Variants in ADAM18 observed in about 807,000 individuals in gnomAD.
ADAM18 encodes disintegrin and metalloproteinase domain-containing protein 18.
In ADAM18, 117 loss-of-function variants were observed where a neutral mutation model predicts 94.4. The observed-to-expected ratio is 1.24, with a 90% confidence interval of 1.07 to 1.45. The LOEUF (loss-of-function observed/expected upper bound fraction) is 1.45, where lower values mean the gene tolerates loss of function less well. Among genes scored for constraint, ADAM18 ranks in the 40% most tolerant of loss-of-function variants. The probability of loss-of-function intolerance (pLI) is 0.00; values close to 1 mark genes in which losing one functional copy is unlikely to be tolerated. For missense variants in ADAM18, 936 were observed against 880.0 expected, an observed-to-expected ratio of 1.06 and a Z score of -0.81; for synonymous variants, 327 against 291.6, an observed-to-expected ratio of 1.12 and a Z score of -1.24.
chr8:39,723,920 T>C lies in ADAM18; in HGVS notation c.2177+13T>C. 2 of 1,425,308 alleles carry C rather than the reference T, an allele frequency of 1.4e-6. No homozygotes were observed. Among genetic ancestry groups the C allele is most frequent in the Non-Finnish European group, 1.9e-6 (2 of 1,063,756 alleles). 88.3% of individuals were successfully genotyped at this position (1,425,308 alleles called of 1,614,324 possible). ...CAGAGTATAATCGGTAAATATGATA[T>C]AGAATCAATGTATTAGGTTTAATTA... On this transcript the variant is annotated intron_variant, in intron 19 of 19. Transcript: ENST00000265707.
intron 10 of ADAM18, among the ~76,000 whole-genome samples, chr8:39,641,582 G>A (rs1489185612): frequency 6.6e-6 from 1 of 151,800 alleles, no homozygotes; most frequent in Non-Finnish European, 1.5e-5. Flanking sequence ...ATCATTCTAG[G>A]TGTCCATGTG....
chr8:39,694,126 C>G (rs1017650993), intron 17 of ADAM18, among the ~76,000 whole-genome samples: 1 of 151,202 alleles, frequency 6.6e-6, no homozygotes, highest in African/African-American at 2.4e-5. Flanking sequence ...TAAATTCAGA[C>G]TTTTATGCAT....
chr8:39,674,630 T>C (rs1821248805), intron 14 of ADAM18, among the ~76,000 whole-genome samples: 1 of 152,174 alleles, frequency 6.6e-6, no homozygotes, highest in African/African-American at 2.4e-5. Flanking sequence ...ACATTTAAGG[T>C]TAATATTGTT....
At chr8:39,622,890 G>A (rs536327839) in intron 6 of ADAM18, among the ~76,000 whole-genome samples, 4 of 151,542 alleles carry the variant, frequency 2.6e-5, no homozygotes, top group East Asian at 3.9e-4. Context: ...ATATTTTTTC[G>A]TTTCAGTTGC....
At chr8:39,685,574 T>G (rs886666056) in intron 16 of ADAM18, among the ~76,000 whole-genome samples, 1 of 152,150 alleles carries the variant, frequency 6.6e-6, no homozygotes. Context: ...TCACCTGGTT[T>G]CTAAACCTTC....
intron 2 of ADAM18, among the ~76,000 whole-genome samples, chr8:39,595,776 G>A (rs1037938609): frequency 6.6e-6 from 1 of 152,032 alleles, no homozygotes. Context: ...CACCCACCTC[G>A]GCCTCCCAAA....
intron 6 of ADAM18, among the ~76,000 whole-genome samples, chr8:39,628,969 T>G (rs1250384497): frequency 6.6e-6 from 1 of 152,054 alleles, no homozygotes; most frequent in Non-Finnish European, 1.5e-5. Context: ...CAGTGGAGAC[T>G]ATGAGTTCTC....
chr8:39,616,529 T>G (rs1353458005), intron 6 of ADAM18, among the ~76,000 whole-genome samples: 1 of 152,154 alleles, frequency 6.6e-6, no homozygotes, highest in Admixed American at 6.6e-5. Flanking sequence ...ATTCTAAAAT[T>G]CATATGGGAC....
chr8:39,702,088 A>G (rs1822096452), intron 17 of ADAM18, among the ~76,000 whole-genome samples: 1 of 152,214 alleles, frequency 6.6e-6, no homozygotes, highest in Non-Finnish European at 1.5e-5. Flanking sequence ...TGGCTGAACT[A>G]ATTAACACTC....
intron 6 of ADAM18, among the ~76,000 whole-genome samples, chr8:39,622,310 A>G (rs1819638689): frequency 6.7e-6 from 1 of 149,336 alleles, no homozygotes; most frequent in South Asian, 2.1e-4. Flanking sequence ...TACATATATA[A>G]TATACATAAT....
At chr8:39,608,019 G>A (rs756022649) in intron 3 of ADAM18, among the ~76,000 whole-genome samples, 9 of 151,722 alleles carry the variant, frequency 5.9e-5, no homozygotes, top group South Asian at 2.1e-4. Flanking sequence ...ATGGAATTCT[G>A]ACTTTCTTCT....
intron 2 of ADAM18, among the ~76,000 whole-genome samples, chr8:39,590,216 A>C (rs1467466065): frequency 6.6e-6 from 1 of 151,986 alleles, no homozygotes; most frequent in Non-Finnish European, 1.5e-5. Context: ...CTGGATTAAG[A>C]AAATGTGGCA....
chr8:39,615,808 C>A (rs761020261), intron 6 of ADAM18, among the ~76,000 whole-genome samples: 2 of 152,048 alleles, frequency 1.3e-5, no homozygotes, highest in African/African-American at 2.4e-5. Flanking sequence ...CCTTGAAAAC[C>A]CTGTAGTCTC....
intron 2 of ADAM18, among the ~76,000 whole-genome samples, chr8:39,598,726 C>T (rs948395000): frequency 6.6e-6 from 1 of 150,688 alleles, no homozygotes; most frequent in African/African-American, 2.4e-5. Context: ...TGTGATCATG[C>T]CACTGCACTC....
At chr8:39,636,744 AC>A (rs1279660334) in intron 7 of ADAM18, among the ~76,000 whole-genome samples, 1 of 151,680 alleles carries the variant, frequency 6.6e-6, no homozygotes, top group African/African-American at 2.4e-5. Flanking sequence ...ATTCTACATA[AC>A]CCAAACTTTG....
intron 18 of ADAM18, among the ~76,000 whole-genome samples, chr8:39,710,921 T>C (rs537301564): frequency 4.6e-5 from 7 of 152,298 alleles, no homozygotes; most frequent in African/African-American, 1.7e-4. Context: ...CTAGAAAATA[T>C]CAAAGAAGAT....
intron 18 of ADAM18, among the ~76,000 whole-genome samples, chr8:39,709,515 C>G (rs1157754370): frequency 6.6e-6 from 1 of 152,166 alleles, no homozygotes; most frequent in Non-Finnish European, 1.5e-5. Context: ...TGAGGTTCAG[C>G]CTTAGTTGGG....
At chr8:39,678,633 A>G (rs1168958079) in intron 15 of ADAM18, among the ~76,000 whole-genome samples, 2 of 152,216 alleles carry the variant, frequency 1.3e-5, no homozygotes, top group Non-Finnish European at 2.9e-5. Flanking sequence ...AGATGGTGGC[A>G]TGACAACCCC....
At chr8:39,656,681 A>T (rs186003654) in intron 12 of ADAM18, among the ~76,000 whole-genome samples, 119 of 152,314 alleles carry the variant, frequency 7.8e-4, no homozygotes, top group African/African-American at 2.8e-3. Flanking sequence ...CATAAATGTG[A>T]CAGGAGATAT....
Sources: allele counts gnomAD v4.1 joint callset (sites outside exome capture counted in the v4.1 genomes callset), GRCh38; gene constraint gnomAD v4.1.1; transcripts MANE v1.5; gene names NCBI Gene and HGNC (gene_info 2026-07-23, HGNC 2026-07-21).